DUSP22: variants seen among roughly 807,000 people sequenced by gnomAD.
DUSP22 encodes dual specificity protein phosphatase 22.
DUSP22 carries 24 observed loss-of-function variants against 24.5 expected under a neutral mutation model. The observed-to-expected ratio is 0.98, with a 90% CI of 0.71 to 1.38. DUSP22 has a LOEUF of 1.38. DUSP22 is among the 40% of genes most tolerant of loss of function. The probability of loss-of-function intolerance (pLI) is 0.00; values close to 1 mark genes in which losing one functional copy is unlikely to be tolerated. For synonymous variants in DUSP22, 160 were observed against 106.4 expected, an observed-to-expected ratio of 1.50 and a Z score of -3.10; for missense variants, 330 against 269.2, an observed-to-expected ratio of 1.23 and a Z score of -1.58.
chr6:338,329 T>C (rs1759452223), intron 4 of DUSP22, among the ~76,000 whole-genome samples: 1 of 152,308 alleles, frequency 6.6e-6, no homozygotes, highest in Non-Finnish European at 1.5e-5. Flanking sequence ...AGTTTCTTTT[T>C]ACCTGTTACA....
intron 4 of DUSP22, among the ~76,000 whole-genome samples, chr6:336,409 C>T (rs6909888): frequency 0.03 from 4,485 of 150,810 alleles, 4 homozygotes; most frequent in African/African-American, 0.11. Context: ...GAGTGCAGAC[C>T]ATGTGCCCCA....
At chr6:301,196 A>G (rs1362950141) in intron 1 of DUSP22, among the ~76,000 whole-genome samples, 1 of 152,290 alleles carries the variant, frequency 6.6e-6, no homozygotes, top group African/African-American at 2.4e-5. Context: ...GGTTTCAGAG[A>G]CTGGAAAACC....
At position 296,888 on chromosome 6, in the gene DUSP22, G is replaced by A. The variant is rs371394068; in HGVS notation, c.21+4328G>A. On this transcript the variant is annotated intron_variant, in intron 1 of 6. Transcript: ENST00000419235. The stretch of plus-strand genomic sequence containing the variant: ...GGTTCGTTTAGCTCATCAAGCATCC[G>A]GCCTGCCTGGTCTTGTGGCCTCTTC... Among the ~76,000 whole-genome samples, 126 of 152,388 alleles carry A rather than the reference G, an allele frequency of 8.3e-4. No homozygotes were observed. In the South Asian group the frequency reaches 0.015, roughly 18 times the overall value.
At position 303,147 on chromosome 6, in the gene DUSP22, G is replaced by A. The variant is rs1487527817; in HGVS notation, c.22-1481G>A. Among the ~76,000 whole-genome samples, 6 of 152,298 alleles carry A rather than the reference G, an allele frequency of 3.9e-5. No homozygotes were observed. The South Asian group carries it at 1.2e-3, about 32-fold the overall frequency. ...TAAAAAAGGCAGGAGAGACCCTCGG[G>A]AATGAGAGACTACACACAGCAAAGC... On this transcript the variant is annotated intron_variant, in intron 1 of 6. Coordinates refer to ENST00000419235, the MANE Select transcript of DUSP22 (RefSeq NM_001286555.3).
chr6:349,922 C>T lies in DUSP22; in HGVS notation c.*971C>T. 1.0e-6 allele frequency: 1 copy of T among 985,988 alleles called. No individual in the cohort carries two copies. Among genetic ancestry groups the T allele is most frequent in the Non-Finnish European group, 1.2e-6 (1 of 830,256 alleles). The allele number at this position is 985,988 out of a possible 1,614,324, so 61.1% of individuals were successfully genotyped here. On this transcript the variant is annotated 3_prime_UTR_variant, in exon 7 of 7. Transcript: ENST00000419235. ...CCTTGCCAGCTTCATTCACTCCCAG[C>T]CTCTCGCTGTCCTCACTTTGCAGGG... is the stretch of plus-strand genomic sequence containing the variant.
intron 3 of DUSP22, among the ~76,000 whole-genome samples, chr6:313,485 G>C (rs2757550): frequency 1 from 151,816 of 152,420 alleles, 75,606 homozygotes; most frequent in Middle Eastern, 1. Flanking sequence ...TAAAACCTCA[G>C]AGCTGTGGGC....
At chr6:329,278 A>G (rs1252308609) in intron 3 of DUSP22, among the ~76,000 whole-genome samples, 2 of 152,306 alleles carry the variant, frequency 1.3e-5, no homozygotes, top group African/African-American at 2.4e-5. Flanking sequence ...TCATAGAGAT[A>G]GAAAGGTGAA....
rs1416900131 is a variant in DUSP22 at position 349,492 on chromosome 6, T to C, written c.*541T>C. 1 of 999,438 alleles carries C rather than the reference T, an allele frequency of 1.0e-6. No homozygotes were observed. The highest frequency in any genetic ancestry group is 1.1e-4 in the East Asian group (1 of 9,270). 61.9% of individuals were successfully genotyped at this position (999,438 alleles called of 1,614,324 possible). On this transcript the variant is annotated 3_prime_UTR_variant, in exon 7 of 7. Coordinates refer to ENST00000419235, the MANE Select transcript of DUSP22 (RefSeq NM_001286555.3). ...TACCCAGCAAAGAGCAGTCTGTGCC[T>C]CTGAGCAGACCGTGAGAACTCAGGG... is the stretch of plus-strand genomic sequence containing the variant.
At chr6:312,066 C>G in intron 3 of DUSP22, 104 bp downstream of exon 3, 1 of 1,200,254 alleles carries the variant, frequency 8.3e-7, no homozygotes, top group Non-Finnish European at 1.2e-6. Context: ...TGCGAACGTA[C>G]TCCTGTGATC....
chr6:327,000 G>T (rs1272865553), intron 3 of DUSP22, among the ~76,000 whole-genome samples: 1 of 152,310 alleles, frequency 6.6e-6, no homozygotes, highest in Non-Finnish European at 1.5e-5. Context: ...AATATTTGGG[G>T]CTTTGGGGAC....
At chr6:305,550 C>T (rs1441559727) in intron 2 of DUSP22, among the ~76,000 whole-genome samples, 2 of 152,300 alleles carry the variant, frequency 1.3e-5, no homozygotes, top group African/African-American at 2.4e-5. Flanking sequence ...CACACATTTC[C>T]TGCCACTTGT....
chr6:347,424 G>A (rs1759935059), intron 5 of DUSP22, among the ~76,000 whole-genome samples: 1 of 152,302 alleles, frequency 6.6e-6, no homozygotes, highest in Non-Finnish European at 1.5e-5. Flanking sequence ...CTCTAAGTCT[G>A]ATGAAGCACA....
chr6:292,568 C>T lies in DUSP22; in HGVS notation c.21+8C>T, dbSNP rs1266541275. The T allele has an allele frequency of 3.8e-6, 6 of 1,598,086 alleles. No individual in the cohort carries two copies. The highest frequency in any genetic ancestry group is 2.6e-6 in the Non-Finnish European group (3 of 1,172,750). ...GGGAATGGGATGAACAAGGTAACGT[C>T]TTCCCTCGTTCGCGCTGGGTTTGCC... On this transcript the variant is annotated splice_region_variant and intron_variant, in intron 1 of 6. Transcript: ENST00000419235.
chr6:322,772 G>C (rs1352841703), intron 3 of DUSP22, among the ~76,000 whole-genome samples: 2 of 152,200 alleles, frequency 1.3e-5, no homozygotes, highest in African/African-American at 4.8e-5. Flanking sequence ...TCATGGTGGT[G>C]GTGGTGATGG....
chr6:307,481 C>CA (rs1346243862), intron 2 of DUSP22, among the ~76,000 whole-genome samples: 2 of 152,298 alleles, frequency 1.3e-5, no homozygotes, highest in Non-Finnish European at 2.9e-5. Context: ...GAACCACAAA[C>CA]AAACCCAGCT....
At chr6:298,736 G>A (rs954260659) in intron 1 of DUSP22, among the ~76,000 whole-genome samples, 1 of 152,302 alleles carries the variant, frequency 6.6e-6, no homozygotes, top group Non-Finnish European at 1.5e-5. Flanking sequence ...TTTGACCTGC[G>A]GAATGCCAGA....
intron 3 of DUSP22, among the ~76,000 whole-genome samples, chr6:333,007 C>A: frequency 6.6e-6 from 1 of 152,418 alleles, no homozygotes; most frequent in East Asian, 1.9e-4. Flanking sequence ...GTATGTGCAT[C>A]TATACCAACA....
chr6:324,742 G>T (rs1230987533), intron 3 of DUSP22, among the ~76,000 whole-genome samples: 4 of 152,302 alleles, frequency 2.6e-5, no homozygotes, highest in Admixed American at 2.6e-4. Flanking sequence ...CGGCTGGAGG[G>T]ATCATCCGTG....
At chr6:322,562 G>C (rs377415491) in intron 3 of DUSP22, among the ~76,000 whole-genome samples, 6 of 152,426 alleles carry the variant, frequency 3.9e-5, no homozygotes, top group African/African-American at 1.4e-4. Context: ...GGGGAGACTA[G>C]GTGACGTGAA....
Sources: gnomAD v4.1 joint callset for allele counts (sites outside exome capture counted in the v4.1 genomes callset) on GRCh38, gnomAD v4.1.1 for gene constraint, MANE v1.5 for transcripts, NCBI Gene and HGNC (gene_info 2026-07-23, HGNC 2026-07-21) for gene names.